The following DACH2 variants were observed in gnomAD, a reference collection of about 807,000 sequenced individuals.
The protein encoded by DACH2 is dachshund homolog 2.
A neutral mutation model predicts 35.8 loss-of-function variants in DACH2; 17 were observed. The observed-to-expected ratio is 0.48, with a 90% confidence interval of 0.33 to 0.71. The LOEUF (loss-of-function observed/expected upper bound fraction) is 0.71, where lower values mean the gene tolerates loss of function less well. Ranked by LOEUF, DACH2 falls within the 30% of genes least tolerant of loss-of-function variation. The probability of loss-of-function intolerance (pLI) is 0.02; values close to 1 mark genes in which losing one functional copy is unlikely to be tolerated. For synonymous variants in DACH2, 195 were observed against 177.3 expected (o/e 1.10, Z -0.79); for missense variants, 469 against 472.7 (o/e 0.99, Z 0.07).
chrX:86,812,101 T>C (rs1226994693), intron 7 of DACH2, among the ~76,000 whole-genome samples: 8 of 111,700 alleles, frequency 7.2e-5, no homozygotes, highest in Non-Finnish European at 1.3e-4. Flanking sequence ...AGTATATTCA[T>C]GAAACAAAAT....
intron 1 of DACH2, among the ~76,000 whole-genome samples, chrX:86,166,090 G>A (rs1169647986): frequency 1.8e-5 from 2 of 110,932 alleles, no homozygotes; most frequent in African/African-American, 3.3e-5. Flanking sequence ...TGAAGAGATC[G>A]TCTTTTCCCC....
intron 6 of DACH2, among the ~76,000 whole-genome samples, chrX:86,738,507 A>G (rs916863475): frequency 8.9e-6 from 1 of 112,050 alleles, no homozygotes; most frequent in Admixed American, 9.5e-5. Flanking sequence ...GAAATTTATT[A>G]TGGATGAATT....
intron 3 of DACH2, among the ~76,000 whole-genome samples, chrX:86,570,570 A>G (rs1223337882): frequency 9.1e-6 from 1 of 110,470 alleles, no homozygotes; most frequent in Non-Finnish European, 1.9e-5. Flanking sequence ...GAGGAACAAC[A>G]CACACTGGGG....
chrX:86,316,923 C>T (rs1297211919), intron 1 of DACH2, among the ~76,000 whole-genome samples: 3 of 109,902 alleles, frequency 2.7e-5, no homozygotes, highest in African/African-American at 1.0e-4. Flanking sequence ...TTCAATACCA[C>T]CCTGGCCAAG....
intron 2 of DACH2, among the ~76,000 whole-genome samples, chrX:86,489,966 G>A (rs1354581557): frequency 1.8e-5 from 2 of 111,826 alleles, no homozygotes; most frequent in African/African-American, 3.2e-5. Flanking sequence ...TTTGGACAAG[G>A]AAATTTACTC....
chrX:86,715,679 A>G (rs1466424928), intron 6 of DACH2, among the ~76,000 whole-genome samples: 1 of 111,851 alleles, frequency 8.9e-6, no homozygotes, highest in African/African-American at 3.3e-5. Flanking sequence ...TCCCAAACAT[A>G]AATGTGAGAC....
chrX:86,576,400 T>A (rs2039436086), intron 3 of DACH2, among the ~76,000 whole-genome samples: 1 of 111,662 alleles, frequency 9.0e-6, no homozygotes, highest in South Asian at 3.7e-4. Context: ...TTTTTATTGG[T>A]GTTTGTTAAA....
chrX:86,291,139 C>T (rs1358815341), intron 1 of DACH2, among the ~76,000 whole-genome samples: 4 of 106,899 alleles, frequency 3.7e-5, no homozygotes, highest in Non-Finnish European at 7.7e-5. Context: ...AGGTCCTTCA[C>T]ATCCCTTGTA....
At chrX:86,444,536 C>T (rs924700566) in intron 2 of DACH2, among the ~76,000 whole-genome samples, 16 of 111,527 alleles carry the variant, frequency 1.4e-4, no homozygotes, top group African/African-American at 3.3e-4. Context: ...ATTCAACCTT[C>T]GTAGGTTGTA....
intron 7 of DACH2, among the ~76,000 whole-genome samples, chrX:86,758,444 G>C (rs1852894777): frequency 8.9e-6 from 1 of 111,844 alleles, no homozygotes; most frequent in Admixed American, 9.5e-5. Context: ...TTTGTTTCAA[G>C]ATATTTTAAA....
chrX:86,251,986 C>A (rs944339540), intron 1 of DACH2, among the ~76,000 whole-genome samples: 1 of 111,292 alleles, frequency 9.0e-6, no homozygotes. Context: ...CTTTTCACTG[C>A]GTCCATGCCA....
At chrX:86,552,555 A>C (rs2039064485) in intron 3 of DACH2, among the ~76,000 whole-genome samples, 1 of 112,210 alleles carries the variant, frequency 8.9e-6, no homozygotes, top group African/African-American at 3.2e-5. Context: ...AATTGCTTTA[A>C]TGAGAAATTT....
intron 2 of DACH2, among the ~76,000 whole-genome samples, chrX:86,494,156 G>T (rs1289973278): frequency 8.9e-6 from 1 of 112,158 alleles, no homozygotes; most frequent in African/African-American, 3.2e-5. Flanking sequence ...TTGCAAGAGA[G>T]AAAATAATTT....
intron 7 of DACH2, among the ~76,000 whole-genome samples, chrX:86,743,828 A>C (rs1379835449): frequency 2.7e-5 from 3 of 111,293 alleles, no homozygotes; most frequent in Non-Finnish European, 5.7e-5. Context: ...ATATTAAACT[A>C]CCCAAACTCT....
chrX:86,803,437 TAA>T (rs1297435573), intron 7 of DACH2, among the ~76,000 whole-genome samples: 1 of 111,783 alleles, frequency 8.9e-6, no homozygotes, highest in Non-Finnish European at 1.9e-5. Flanking sequence ...TTGGAGAGAC[TAA>T]GAGTTGACCA....
chrX:86,492,731 CA>C (rs762523788), intron 2 of DACH2, among the ~76,000 whole-genome samples: 14 of 111,825 alleles, frequency 1.3e-4, no homozygotes, highest in South Asian at 3.7e-4. Context: ...TGTGTTAATT[CA>C]CTTAGGACAA....
intron 1 of DACH2, among the ~76,000 whole-genome samples, chrX:86,187,241 G>A (rs1389461625): frequency 1.8e-5 from 2 of 110,797 alleles, no homozygotes; most frequent in African/African-American, 6.6e-5. Context: ...ATAATTGAAC[G>A]CCACCAGAGG....
chrX:86,694,652 A>T (rs1342517826), intron 4 of DACH2, among the ~76,000 whole-genome samples: 1 of 112,037 alleles, frequency 8.9e-6, no homozygotes, highest in Non-Finnish European at 1.9e-5. Context: ...TTTTTCAGTG[A>T]TCAGTACAGT....
intron 1 of DACH2, among the ~76,000 whole-genome samples, chrX:86,254,784 A>G (rs1385641173): frequency 5.1e-5 from 3 of 58,866 alleles, no homozygotes; most frequent in African/African-American, 2.5e-4. Flanking sequence ...ATAAATAAAT[A>G]TATATATATA....
Sources: allele counts gnomAD v4.1 joint callset (sites outside exome capture counted in the v4.1 genomes callset), GRCh38; gene constraint gnomAD v4.1.1; transcripts MANE v1.5; gene names NCBI Gene and HGNC (gene_info 2026-07-23, HGNC 2026-07-21).